Variants in GDNF observed in about 807,000 individuals in gnomAD.
GDNF encodes glial cell line-derived neurotrophic factor.
GDNF carries 5 observed loss-of-function variants against 13.7 expected under a neutral mutation model. The ratio of observed to expected loss-of-function variants is 0.36; its 90% CI spans 0.19 to 0.77. The LOEUF (loss-of-function observed/expected upper bound fraction) is 0.77, where lower values mean the gene tolerates loss of function less well. Ranked by LOEUF, GDNF falls within the 30% of genes least tolerant of loss-of-function variation. GDNF has a pLI of 0.51. For synonymous variants in GDNF, 122 were observed against 112.5 expected (o/e 1.08, Z -0.53); for missense variants, 246 against 274.3 (o/e 0.90, Z 0.73).
In GDNF at chr5:37,824,696, C is replaced by T. The variant is rs577640397; in HGVS notation, c.152-8561G>A. ...CATCTTACATTATGTAATGACCTTC[C>T]GTGCTTTCCTATTTTGGACACAGAA... On this transcript the variant is annotated intron_variant, in intron 2 of 2. Transcript: ENST00000326524. Among the ~76,000 whole-genome samples the T allele has an allele frequency of 5.3e-5, 8 of 152,322 alleles. No individual in the cohort carries two copies. The South Asian group carries it at 6.2e-4, about 12-fold the overall frequency.
chr5:37,835,486 T>C (rs45455796), intron 1 of GDNF: 37,430 of 1,483,040 alleles, frequency 0.025, 539 homozygotes, highest in Non-Finnish European at 0.029. Context: ...ACTTTTGGCC[T>C]GTATGGGATA....
chr5:37,825,730 A>C (rs918746544), intron 2 of GDNF, among the ~76,000 whole-genome samples: 3 of 152,180 alleles, frequency 2.0e-5, no homozygotes, highest in Non-Finnish European at 4.4e-5. Flanking sequence ...AGGATTCTGC[A>C]CTCAGCATCC....
intron 2 of GDNF, among the ~76,000 whole-genome samples, chr5:37,820,266 G>T (rs1211191377): frequency 6.6e-6 from 1 of 152,138 alleles, no homozygotes; most frequent in African/African-American, 2.4e-5. Context: ...TTTAAATCAT[G>T]CTGGTTTAGA....
In GDNF at chr5:37,816,015, C is replaced by T. The variant is rs769492137; in HGVS notation, c.272G>A (p.Arg91Gln). Residue 91 changes from arginine (R) to glutamine (Q), a missense_variant, in exon 3 of 3, where the codon CGG becomes CAG. By Grantham distance (43) the Arg-to-Gln change is conservative. Transcript: ENST00000326524. ...GTTGGCAGCTGCAGCCTGCCGATTC[C>T]GCTCTCTTCTAGGAAGCACTGCCAT... ...KQMAVLPRRE[R>Q]NRQAAAANPE... The T allele has an allele frequency of 2.8e-5, 45 of 1,613,750 alleles. No homozygotes were observed. The highest frequency in any genetic ancestry group is 3.3e-4 in the Middle Eastern group (2 of 6,084).
chr5:37,818,968 C>A (rs1750025723), intron 2 of GDNF, among the ~76,000 whole-genome samples: 1 of 152,106 alleles, frequency 6.6e-6, no homozygotes, highest in Admixed American at 6.5e-5. Flanking sequence ...TTCTAACACA[C>A]CATCTAACTG....
chr5:37,836,537 A>G (rs1750713274), intron 1 of GDNF, among the ~76,000 whole-genome samples: 1 of 152,048 alleles, frequency 6.6e-6, no homozygotes, highest in Non-Finnish European at 1.5e-5. Flanking sequence ...TGGTTTGCAA[A>G]CTCGGGAAAA....
At chr5:37,820,195 A>G (rs1332080893) in intron 2 of GDNF, among the ~76,000 whole-genome samples, 2 of 152,242 alleles carry the variant, frequency 1.3e-5, no homozygotes, top group Non-Finnish European at 2.9e-5. Context: ...ATCAGAAATG[A>G]GGGTAAAACA....
chr5:37,821,589 GT>G (rs571339457), intron 2 of GDNF, among the ~76,000 whole-genome samples: 10 of 152,144 alleles, frequency 6.6e-5, no homozygotes, highest in Non-Finnish European at 1.5e-4. Flanking sequence ...GCAACCAAAT[GT>G]TTTGGTGTTA....
chr5:37,815,621 T>G lies in GDNF; in HGVS notation c.*30A>C. ...CCCTTTCTTTGCACTGTAGCAGGAATGCAATACACAGCAGTCTCTGGAGCC... is the reference window on the plus strand; with the variant it reads ...CCCTTTCTTTGCACTGTAGCAGGAAGGCAATACACAGCAGTCTCTGGAGCC... On this transcript the variant is annotated 3_prime_UTR_variant, in exon 3 of 3. Coordinates refer to ENST00000326524, the MANE Select transcript of GDNF (RefSeq NM_000514.4). This position sits in a 1 kb window ranked among gnomAD's most constrained non-coding sequence, Gnocchi z 5.0. The G allele has an allele frequency of 6.2e-7, 1 of 1,605,426 alleles. No homozygotes were observed. Among genetic ancestry groups the G allele is most frequent in the Non-Finnish European group, 8.5e-7 (1 of 1,172,140 alleles).
chr5:37,824,684 G>T (rs1446034818), intron 2 of GDNF, among the ~76,000 whole-genome samples: 2 of 152,212 alleles, frequency 1.3e-5, no homozygotes, highest in African/African-American at 4.8e-5. Flanking sequence ...CTTACATTAT[G>T]TAATGACCTT....
rs1750765916 is a variant in GDNF, at chr5:37,837,945, A to G, written c.-27+1562T>C. ...TGCCTTCAAGATCCAGGTCTCAGAG[A>G]GAGAAAAAGGAGGCGGTGGGGCGGG... On this transcript the variant is annotated intron_variant, in intron 1 of 2. Coordinates refer to ENST00000326524, the MANE Select transcript of GDNF (RefSeq NM_000514.4). This position sits in a 1 kb window ranked among gnomAD's most constrained non-coding sequence, Gnocchi z 6.5. Among the ~76,000 whole-genome samples, 3 of 149,508 alleles carry G rather than the reference A, an allele frequency of 2.0e-5. No homozygotes were observed. In the South Asian group the frequency reaches 6.3e-4, roughly 32 times the overall value.
At chr5:37,822,529 G>A (rs541217085) in intron 2 of GDNF, among the ~76,000 whole-genome samples, 4 of 152,316 alleles carry the variant, frequency 2.6e-5, no homozygotes, top group South Asian at 4.1e-4. Flanking sequence ...CTGCACCTGC[G>A]GCTGCCGAGG....
intron 1 of GDNF, among the ~76,000 whole-genome samples, chr5:37,836,726 C>G (rs985342528): frequency 6.6e-6 from 1 of 152,230 alleles, no homozygotes; most frequent in African/African-American, 2.4e-5. Flanking sequence ...ACCGGAGGAG[C>G]ATGGAGGCGC....
At chr5:37,835,700 C>T in intron 1 of GDNF, 1 of 1,534,554 alleles carries the variant, frequency 6.5e-7, no homozygotes, top group South Asian at 1.2e-5. Context: ...ACCCGAAAAC[C>T]CTCTCTTGAC....
rs1749821898 is a variant in GDNF at position 37,814,070 on chromosome 5, G to C, written c.*1581C>G. 6.6e-6 allele frequency: 1 copy of C among 152,650 alleles called. No homozygotes were observed. The highest frequency in any genetic ancestry group is 2.4e-5 in the African/African-American group (1 of 41,428). 9.5% of individuals were successfully genotyped at this position (152,650 alleles called of 1,614,324 possible). On this transcript the variant is annotated 3_prime_UTR_variant, in exon 3 of 3. Coordinates refer to ENST00000326524, the MANE Select transcript of GDNF (RefSeq NM_000514.4). ...CAGGACCTGGTAGACCCTACCTCTG[G>C]AAGGCCCCTGTGTCTCCCGGGCTGC...
At chr5:37,816,659 A>T (rs1307939631) in intron 2 of GDNF, among the ~76,000 whole-genome samples, 1 of 152,216 alleles carries the variant, frequency 6.6e-6, no homozygotes, top group East Asian at 1.9e-4. Flanking sequence ...TAAAAGATCC[A>T]CACACCAAAG....
intron 2 of GDNF, among the ~76,000 whole-genome samples, chr5:37,823,538 A>C (rs147735936): frequency 6.6e-6 from 1 of 152,328 alleles, no homozygotes; most frequent in African/African-American, 2.4e-5. Context: ...TGGTTCTTGC[A>C]TATCACGCTA....
chr5:37,818,668 A>C (rs1010233455), intron 2 of GDNF, among the ~76,000 whole-genome samples: 1 of 152,196 alleles, frequency 6.6e-6, no homozygotes. Context: ...CTTGAGAACT[A>C]TAGCTTAAAC....
intron 2 of GDNF, chr5:37,824,322 T>C (rs1477391892): frequency 1.3e-5 from 2 of 152,228 alleles, no homozygotes; most frequent in African/African-American, 4.8e-5. Context: ...ATTTTATTCA[T>C]TTCTGTTTTT....
Sources: allele counts gnomAD v4.1 joint callset (sites outside exome capture counted in the v4.1 genomes callset), GRCh38; gene constraint gnomAD v4.1.1; non-coding constraint Gnocchi (gnomAD v3.1); transcripts MANE v1.5; gene names NCBI Gene and HGNC (gene_info 2026-07-23, HGNC 2026-07-21).